GPC5: variants seen among roughly 807,000 people sequenced by gnomAD.
GPC5 encodes glypican-5.
A neutral mutation model predicts 53.9 loss-of-function variants in GPC5; 47 were observed. The observed-to-expected ratio is 0.87, with a 90% CI of 0.69 to 1.11. The LOEUF (loss-of-function observed/expected upper bound fraction) is 1.11, where lower values mean the gene tolerates loss of function less well. GPC5 is among the 50% of genes most tolerant of loss of function. The probability of loss-of-function intolerance (pLI) is 0.00; values close to 1 mark genes in which losing one functional copy is unlikely to be tolerated. For synonymous variants in GPC5, 286 were observed against 263.3 expected, an observed-to-expected ratio of 1.09 and a Z score of -0.84; for missense variants, 748 against 713.1, an observed-to-expected ratio of 1.05 and a Z score of -0.56.
intron 6 of GPC5, among the ~76,000 whole-genome samples, chr13:92,107,679 A>G (rs1044586577): frequency 3.9e-5 from 6 of 152,168 alleles, no homozygotes. Context: ...AGATTAAAAA[A>G]CAGAAAATAT....
chr13:92,230,360 T>C (rs1173581480), intron 7 of GPC5, among the ~76,000 whole-genome samples: 2 of 152,210 alleles, frequency 1.3e-5, no homozygotes, highest in Non-Finnish European at 2.9e-5. Context: ...GGTAGTCATA[T>C]TGTATGTAAT....
At chr13:92,540,114 C>CA (rs966769798) in intron 7 of GPC5, among the ~76,000 whole-genome samples, 19 of 151,850 alleles carry the variant, frequency 1.3e-4, no homozygotes, top group Admixed American at 2.6e-4. Flanking sequence ...ATTTGATTTG[C>CA]AAAATAACAA....
intron 2 of GPC5, among the ~76,000 whole-genome samples, chr13:91,495,893 G>A (rs1884227618): frequency 6.6e-6 from 1 of 151,996 alleles, no homozygotes; most frequent in Admixed American, 6.6e-5. Flanking sequence ...CGTGGTGGCG[G>A]GTGCCTGTAA....
chr13:91,647,459 A>G (rs931790636), intron 2 of GPC5, among the ~76,000 whole-genome samples: 5 of 152,228 alleles, frequency 3.3e-5, no homozygotes, highest in African/African-American at 9.6e-5. Flanking sequence ...CAGACCTCCA[A>G]CTCCAGCAAG....
chr13:91,922,812 G>A (rs1317312628), intron 6 of GPC5, among the ~76,000 whole-genome samples: 1 of 152,110 alleles, frequency 6.6e-6, no homozygotes, highest in African/African-American at 2.4e-5. Flanking sequence ...ACCCTAAACT[G>A]TCTTTTCTAT....
intron 5 of GPC5, among the ~76,000 whole-genome samples, chr13:91,762,908 C>A (rs182027722): frequency 3.3e-5 from 5 of 152,196 alleles, no homozygotes; most frequent in Admixed American, 3.3e-4. Context: ...TTCATTTTAA[C>A]CCCTAAATGC....
chr13:91,778,457 T>C (rs2037746664), intron 5 of GPC5, among the ~76,000 whole-genome samples: 7 of 152,218 alleles, frequency 4.6e-5, no homozygotes. Flanking sequence ...CCATTCTTTC[T>C]GTATGGGACT....
chr13:92,607,839 G>A (rs1263647508), intron 7 of GPC5, among the ~76,000 whole-genome samples: 4 of 152,172 alleles, frequency 2.6e-5, no homozygotes, highest in African/African-American at 9.6e-5. Flanking sequence ...AACAACATGG[G>A]TTTGAATTCT....
intron 7 of GPC5, among the ~76,000 whole-genome samples, chr13:92,170,799 G>A (rs1164139041): frequency 6.6e-6 from 1 of 152,052 alleles, no homozygotes; most frequent in Non-Finnish European, 1.5e-5. Flanking sequence ...GTTTCTACTA[G>A]AAACTGTTGT....
chr13:91,727,965 A>T (rs9589346), intron 3 of GPC5, among the ~76,000 whole-genome samples: 3,926 of 152,236 alleles, frequency 0.026, 183 homozygotes, highest in African/African-American at 0.089. Flanking sequence ...ATTATTTTTT[A>T]AAAAACACTG....
At chr13:92,135,945 G>T (rs1372006879) in intron 6 of GPC5, among the ~76,000 whole-genome samples, 7 of 152,112 alleles carry the variant, frequency 4.6e-5, no homozygotes, top group African/African-American at 1.7e-4. Flanking sequence ...GTGGTATTTG[G>T]GTTTATGTAC....
chr13:91,651,479 G>A (rs1246902609), intron 2 of GPC5, among the ~76,000 whole-genome samples: 1 of 152,044 alleles, frequency 6.6e-6, no homozygotes, highest in African/African-American at 2.4e-5. Flanking sequence ...CAGCATTTTG[G>A]GAGGCCAAGG....
At chr13:91,848,437 C>T (rs934779959) in intron 5 of GPC5, among the ~76,000 whole-genome samples, 1 of 152,134 alleles carries the variant, frequency 6.6e-6, no homozygotes, top group African/African-American at 2.4e-5. Flanking sequence ...GGAAGAGTTA[C>T]AGTAAATGCA....
intron 7 of GPC5, among the ~76,000 whole-genome samples, chr13:92,437,977 C>A (rs565337761): frequency 9.9e-5 from 15 of 152,170 alleles, no homozygotes; most frequent in African/African-American, 3.6e-4. Flanking sequence ...ATGAAGTGAA[C>A]TGATTATTGA....
intron 3 of GPC5, among the ~76,000 whole-genome samples, chr13:91,716,613 C>T (rs2036343572): frequency 6.6e-6 from 1 of 152,028 alleles, no homozygotes; most frequent in African/African-American, 2.4e-5. Context: ...AAATATTCTG[C>T]ATAATAAGCA....
At chr13:92,388,544 C>T (rs1874849748) in intron 7 of GPC5, among the ~76,000 whole-genome samples, 2 of 151,978 alleles carry the variant, frequency 1.3e-5, no homozygotes, top group Non-Finnish European at 2.9e-5. Context: ...AGGAATATAC[C>T]CGCAATTAAA....
At chr13:91,815,698 A>G (rs990852080) in intron 5 of GPC5, among the ~76,000 whole-genome samples, 3 of 152,130 alleles carry the variant, frequency 2.0e-5, no homozygotes, top group East Asian at 1.9e-4. Flanking sequence ...GTGAGACCCA[A>G]TTTCTCACTT....
chr13:92,394,640 A>G (rs1875178063), intron 7 of GPC5, among the ~76,000 whole-genome samples: 1 of 152,198 alleles, frequency 6.6e-6, no homozygotes, highest in African/African-American at 2.4e-5. Context: ...TAGCAGCACA[A>G]ACTAAGATAC....
In GPC5 at chr13:92,072,569, ATTTTTTTTT is replaced by A. The variant is rs34169387; in HGVS notation, c.1402-72246_1402-72238del. Among the ~76,000 whole-genome samples, 91 of 103,974 alleles carry A rather than the reference ATTTTTTTTT, an allele frequency of 8.8e-4. 1 individual carries two copies. Among genetic ancestry groups the A allele is most frequent in the African/African-American group, 3.2e-3 (86 of 26,908 alleles). The allele number at this position is 103,974 out of a possible 152,430, so 68.2% of individuals were successfully genotyped here. On this transcript the variant is annotated intron_variant, in intron 6 of 7. Transcript: ENST00000377067. Reference sequence around the variant, plus strand: ...GTGAGCCACTGTGCCTGGCCACTAAATTTTTTTTTTTTTTTTTTTTTTTATACAGAGTCT... The same window carrying A: ...GTGAGCCACTGTGCCTGGCCACTAAATTTTTTTTTTTTTTATACAGAGTCT...
Sources: gnomAD v4.1 joint callset for allele counts (sites outside exome capture counted in the v4.1 genomes callset) on GRCh38, gnomAD v4.1.1 for gene constraint, MANE v1.5 for transcripts, NCBI Gene and HGNC (gene_info 2026-07-23, HGNC 2026-07-21) for gene names.